ICA1L: variants seen among roughly 807,000 people sequenced by gnomAD.
ICA1L encodes islet cell autoantigen 1-like protein.
ICA1L carries 50 observed loss-of-function variants against 61.3 expected under a neutral mutation model. The ratio of observed to expected loss-of-function variants is 0.82; its 90% CI spans 0.65 to 1.03. The LOEUF (loss-of-function observed/expected upper bound fraction) is 1.03. ICA1L is among the 50% of genes least tolerant of loss of function. The probability of loss-of-function intolerance (pLI) is 0.00; values close to 1 mark genes in which losing one functional copy is unlikely to be tolerated. For missense variants in ICA1L, 508 were observed against 556.7 expected (o/e 0.91, Z 0.88); for synonymous variants, 161 against 191.3 (o/e 0.84, Z 1.31).
Position 202,778,518 on chromosome 2 carries a change from G to GAAAGT in ICA1L, c.*1010_*1014dup, listed in dbSNP as rs1452791979. On this transcript the variant is annotated 3_prime_UTR_variant, in exon 13 of 13. Transcript: ENST00000358299. Reference sequence around the variant, plus strand: ...CACAGAGCTTTCTGTATGTCTGCCAGAAAGTATTCTGGGTTAAATAATTAT... The same window carrying GAAAGT: ...CACAGAGCTTTCTGTATGTCTGCCAGAAAGTAAAGTATTCTGGGTTAAATAATTAT... 6.6e-6 allele frequency: 1 copy of GAAAGT among 152,152 alleles called. No individual in the cohort carries two copies. The highest frequency in any genetic ancestry group is 1.5e-5 in the Non-Finnish European group (1 of 68,016). The allele number at this position is 152,152 out of a possible 1,614,324, so 9.4% of individuals were successfully genotyped here. A position where few individuals can be genotyped will look rare whatever the true frequency, so the allele number is the denominator to read the frequency against.
intron 9 of ICA1L, among the ~76,000 whole-genome samples, chr2:202,805,211 G>A (rs1693193296): frequency 6.6e-6 from 1 of 152,128 alleles, no homozygotes; most frequent in African/African-American, 2.4e-5. Context: ...TGGGAACAGG[G>A]ATTATTGCAA....
At chr2:202,861,401 CAAAAAAAAAAA>C (rs61240847) in intron 1 of ICA1L, among the ~76,000 whole-genome samples, 11 of 21,732 alleles carry the variant, frequency 5.1e-4, no homozygotes, top group Admixed American at 4.1e-3. Flanking sequence ...GAGACTATCT[CAAAAAAAAAAA>C]AAAAAAAAAA....
At chr2:202,815,516 G>T (rs1303230574) in intron 7 of ICA1L, among the ~76,000 whole-genome samples, 4 of 151,938 alleles carry the variant, frequency 2.6e-5, no homozygotes, top group African/African-American at 9.7e-5. Context: ...TAGGTAATCT[G>T]GTTATTTTTA....
At chr2:202,839,538 C>T (rs1694256699) in intron 1 of ICA1L, among the ~76,000 whole-genome samples, 1 of 142,612 alleles carries the variant, frequency 7.0e-6, no homozygotes, top group East Asian at 2.0e-4. Flanking sequence ...GAGTCTCTTC[C>T]AGGCAGCATA....
chr2:202,829,295 A>G (rs1294205811), intron 1 of ICA1L: 1 of 191,308 alleles, frequency 5.2e-6, no homozygotes, highest in Non-Finnish European at 1.1e-5. Context: ...GCTTGCGGTG[A>G]GCCGAGATCG....
In ICA1L at chr2:202,786,702, G is replaced by A. The variant is rs142254174; in HGVS notation, c.1244-695C>T. ...CTTGGACTCAGTGATCCCATTCCTA[G>A]CAATTTTTCTTAAGGAAATAATTTA... is the stretch of plus-strand genomic sequence containing the variant. On this transcript the variant is annotated intron_variant, in intron 11 of 12. Transcript: ENST00000358299. 648 of 453,690 alleles carry A rather than the reference G, an allele frequency of 1.4e-3. 5 individuals are homozygous for A. The highest frequency in any genetic ancestry group is 0.012 in the African/African-American group (614 of 49,792). The allele number at this position is 453,690 out of a possible 1,614,324, so 28.1% of individuals were successfully genotyped here.
chr2:202,784,389 G>A (rs1270809515), intron 12 of ICA1L, among the ~76,000 whole-genome samples: 1 of 152,140 alleles, frequency 6.6e-6, no homozygotes, highest in Non-Finnish European at 1.5e-5. Flanking sequence ...AGGTTGCAGT[G>A]AGCCAACATG....
intron 1 of ICA1L, among the ~76,000 whole-genome samples, chr2:202,848,078 T>C (rs1449296092): frequency 6.6e-6 from 1 of 152,046 alleles, no homozygotes; most frequent in South Asian, 2.1e-4. Context: ...TGGGGACTAC[T>C]GGAGTGGGGA....
At chr2:202,827,272 T>C (rs951815241) in intron 2 of ICA1L, among the ~76,000 whole-genome samples, 1 of 151,990 alleles carries the variant, frequency 6.6e-6, no homozygotes, top group Non-Finnish European at 1.5e-5. Flanking sequence ...CAGGCTCCTG[T>C]AATCCCAGCT....
intron 1 of ICA1L, among the ~76,000 whole-genome samples, chr2:202,867,358 A>G (rs1172096689): frequency 6.6e-6 from 1 of 152,172 alleles, no homozygotes; most frequent in African/African-American, 2.4e-5. Context: ...ATACAAACCT[A>G]GATGTTATAA....
intron 4 of ICA1L, 152 bp from the exon 5 acceptor site, chr2:202,820,051 G>A: frequency 1.6e-6 from 1 of 633,260 alleles, no homozygotes; most frequent in Non-Finnish European, 2.7e-6. Context: ...AAGCAAATAA[G>A]GATCATATAG....
At chr2:202,871,229 G>A (rs1021702094) in intron 1 of ICA1L, 5 of 152,358 alleles carry the variant, frequency 3.3e-5, no homozygotes, top group African/African-American at 9.6e-5. Flanking sequence ...GCCTCTATTA[G>A]GAGCGACCTC....
chr2:202,795,895 T>C (rs1015679472), intron 10 of ICA1L, among the ~76,000 whole-genome samples: 4 of 151,684 alleles, frequency 2.6e-5, no homozygotes, highest in African/African-American at 9.7e-5. Flanking sequence ...TACAAAAAAT[T>C]AGCTGGGCAT....
At chr2:202,790,550 G>C (rs1010073817) in intron 10 of ICA1L, among the ~76,000 whole-genome samples, 1 of 152,148 alleles carries the variant, frequency 6.6e-6, no homozygotes, top group Non-Finnish European at 1.5e-5. Context: ...TGTCAGTCAA[G>C]GGCTAGCTTC....
intron 1 of ICA1L, among the ~76,000 whole-genome samples, chr2:202,831,941 G>A (rs1156766045): frequency 6.6e-6 from 1 of 152,104 alleles, no homozygotes; most frequent in Admixed American, 6.5e-5. Flanking sequence ...TTCATAAAAG[G>A]GAGGGAGCCA....
intron 12 of ICA1L, among the ~76,000 whole-genome samples, chr2:202,782,587 T>C (rs1243515949): frequency 6.6e-6 from 1 of 152,004 alleles, no homozygotes; most frequent in Non-Finnish European, 1.5e-5. Context: ...TTTTGTATTT[T>C]TAGTAGAGAC....
intron 10 of ICA1L, among the ~76,000 whole-genome samples, chr2:202,790,601 A>G (rs1692716695): frequency 6.6e-6 from 1 of 152,106 alleles, no homozygotes; most frequent in African/African-American, 2.4e-5. Flanking sequence ...TCCCGTCCCC[A>G]GTTACCTGTT....
Position 202,774,131 on chromosome 2 carries a change from T to G in ICA1L, c.*5402A>C. On this transcript the variant is annotated 3_prime_UTR_variant, in exon 13 of 13. Transcript: ENST00000358299. ...TGGATAAGCTATTCTCAACTCTTCA[T>G]TAATCAATTCATTTGTTGATGCTTC... 1 of 1,378,028 alleles carries G rather than the reference T, an allele frequency of 7.3e-7. No individual in the cohort carries two copies. Among genetic ancestry groups the G allele is most frequent in the South Asian group, 1.2e-5 (1 of 80,052 alleles). The allele number at this position is 1,378,028 out of a possible 1,614,324, so 85.4% of individuals were successfully genotyped here. A position where few individuals can be genotyped will look rare whatever the true frequency, so the allele number is the denominator to read the frequency against.
At chr2:202,838,631 A>G (rs1694218357) in intron 1 of ICA1L, among the ~76,000 whole-genome samples, 1 of 152,178 alleles carries the variant, frequency 6.6e-6, no homozygotes, top group African/African-American at 2.4e-5. Flanking sequence ...TGCAATTATT[A>G]TATCTTCTTG....
Sources: allele counts gnomAD v4.1 joint callset (sites outside exome capture counted in the v4.1 genomes callset), GRCh38; gene constraint gnomAD v4.1.1; transcripts MANE v1.5; gene names NCBI Gene and HGNC (gene_info 2026-07-23, HGNC 2026-07-21).